The following PRRC2B variants were observed in gnomAD, a reference collection of about 807,000 sequenced individuals.
The protein encoded by PRRC2B is proline rich coiled-coil 2B.
A neutral mutation model predicts 242.3 loss-of-function variants in PRRC2B; 68 were observed. The ratio of observed to expected loss-of-function variants is 0.28; its 90% confidence interval spans 0.23 to 0.34. PRRC2B has a LOEUF of 0.34. Ranked by LOEUF, PRRC2B falls within the 10% of genes least tolerant of loss-of-function variation. The pLI, the probability that PRRC2B is intolerant of heterozygous loss-of-function variation, is 1.00. For missense variants in PRRC2B, 2,835 were observed against 2,954.8 expected (o/e 0.96, Z 0.94); for synonymous variants, 1,228 against 1,173.6 (o/e 1.05, Z -0.95).
rs192668494 is a variant in PRRC2B, at chr9:131,404,501, C to G, written c.-52+10238C>G. Among the ~76,000 whole-genome samples, 11 of 151,980 alleles carry G rather than the reference C, an allele frequency of 7.2e-5. 1 individual carries two copies. Among genetic ancestry groups the G allele is most frequent in the Admixed American group, 6.6e-4 (10 of 15,254 alleles). On this transcript the variant is annotated intron_variant, in intron 1 of 31. Transcript: ENST00000683519. ...CCTCCCAAAGTGCTGGGATTACAGG[C>G]GTGAGCCACTGCACCCGGCCCCCAG...
chr9:131,492,418 T>C (rs1232872191), intron 30 of PRRC2B, among the ~76,000 whole-genome samples, 158 bp downstream of exon 30: 1 of 152,202 alleles, frequency 6.6e-6, no homozygotes, highest in Non-Finnish European at 1.5e-5. Flanking sequence ...TGGGATGCAC[T>C]TGTGTTCCAG....
At chr9:131,483,200 G>A (rs982808475) in intron 22 of PRRC2B, among the ~76,000 whole-genome samples, 159 bp from the exon 23 acceptor site, 7 of 152,192 alleles carry the variant, frequency 4.6e-5, no homozygotes, top group African/African-American at 1.2e-4. Context: ...CTCCTGTGCC[G>A]TGGGGAAAAT....
chr9:131,454,976 C>T, intron 9 of PRRC2B, 100 bp from the exon 10 acceptor site: 5 of 854,154 alleles, frequency 5.9e-6, no homozygotes, highest in Non-Finnish European at 9.5e-6. Flanking sequence ...CCCACCTCAG[C>T]CTCGCAAAGT....
rs182514277 is a variant in PRRC2B, at chr9:131,409,452, G to T, written c.-52+15189G>T. On this transcript the variant is annotated intron_variant, in intron 1 of 31. Coordinates refer to ENST00000683519, the MANE Select transcript of PRRC2B (RefSeq NM_013318.4). Reference sequence around the variant, plus strand: ...GCCCATCTCGGCCTCCCAAAGTGCTGGGATTATAGGTGTGAGCCACTGCTC... The same window carrying T: ...GCCCATCTCGGCCTCCCAAAGTGCTTGGATTATAGGTGTGAGCCACTGCTC... Among the ~76,000 whole-genome samples, 14 of 152,374 alleles carry T rather than the reference G, an allele frequency of 9.2e-5. No homozygotes were observed. The East Asian group carries it at 2.7e-3, about 29-fold the overall frequency.
At position 131,496,127 on chromosome 9, in the gene PRRC2B, G is replaced by A. The variant is rs576437327; in HGVS notation, c.*253G>A. 210 of 483,362 alleles carry A rather than the reference G, an allele frequency of 4.3e-4. No individual in the cohort carries two copies. In the East Asian group the frequency reaches 5.3e-3, roughly 12 times the overall value. The allele number at this position is 483,362 out of a possible 1,614,324, so 29.9% of individuals were successfully genotyped here. On this transcript the variant is annotated 3_prime_UTR_variant, in exon 32 of 32. Coordinates refer to ENST00000683519, the MANE Select transcript of PRRC2B (RefSeq NM_013318.4). The stretch of plus-strand genomic sequence containing the variant: ...CTCCTTCATCCCATCTGCTCCTACC[G>A]TGACTGTGGAGTGACGCCTCCTGTG...
At chr9:131,471,402 C>T (rs1376281147) in intron 14 of PRRC2B, among the ~76,000 whole-genome samples, 1 of 151,992 alleles carries the variant, frequency 6.6e-6, no homozygotes, top group Non-Finnish European at 1.5e-5. Context: ...TTTTTCTTTT[C>T]TTATTTCCTT....
chr9:131,463,022 G>T (rs183017878), intron 11 of PRRC2B, among the ~76,000 whole-genome samples: 1 of 151,966 alleles, frequency 6.6e-6, no homozygotes, highest in African/African-American at 2.4e-5. Flanking sequence ...AGGGCTAGGC[G>T]TGAAGGCTAT....
intron 1 of PRRC2B, among the ~76,000 whole-genome samples, chr9:131,380,891 A>AAAAAAAAAAAAC (rs1836750698): frequency 6.6e-6 from 1 of 151,528 alleles, no homozygotes; most frequent in Non-Finnish European, 1.5e-5. Context: ...GTCTCCAAAA[A>AAAAAAAAAAAAC]AAAAAAAAGA....
At chr9:131,444,133 C>A in intron 5 of PRRC2B, 52 bp from the exon 6 acceptor site, 1 of 1,602,298 alleles carries the variant, frequency 6.2e-7, no homozygotes, top group South Asian at 1.1e-5. Flanking sequence ...GGGAAGCAGA[C>A]GACTGTTGAC....
Position 131,451,907 on chromosome 9 carries a change from C to A in PRRC2B, c.1121-3169C>A, listed in dbSNP as rs535478166. ...ACCAACCTTGCATTCTTAGAATAAA[C>A]CCTCCCTCTTTGTATGCCTAGACTC... On this transcript the variant is annotated intron_variant, in intron 9 of 31. Transcript: ENST00000683519. Among the ~76,000 whole-genome samples, 3 of 151,912 alleles carry A rather than the reference C, an allele frequency of 2.0e-5. No homozygotes were observed. In the East Asian group the frequency reaches 5.8e-4, roughly 29 times the overall value.
intron 10 of PRRC2B, among the ~76,000 whole-genome samples, chr9:131,456,458 C>G (rs1380845358): frequency 6.6e-6 from 1 of 151,760 alleles, no homozygotes; most frequent in Admixed American, 6.6e-5. Context: ...AGTGAAACCC[C>G]GTCTCTACTA....
At chr9:131,382,558 G>T (rs960378557) in intron 1 of PRRC2B, among the ~76,000 whole-genome samples, 4 of 151,994 alleles carry the variant, frequency 2.6e-5, no homozygotes, top group Non-Finnish European at 4.4e-5. Flanking sequence ...CCTCCCTGCT[G>T]TGAGCTTCTG....
chr9:131,494,497 G>C lies in PRRC2B; in HGVS notation c.6555+11G>C. ...CACTACGTGCAACAGGTAGAAGATGGCTTTCCAGACCCTTCAGCCCTGGAC... is the reference window on the plus strand; with the variant it reads ...CACTACGTGCAACAGGTAGAAGATGCCTTTCCAGACCCTTCAGCCCTGGAC... On this transcript the variant is annotated intron_variant, in intron 31 of 31. Coordinates refer to ENST00000683519, the MANE Select transcript of PRRC2B (RefSeq NM_013318.4). This position sits in a 1 kb window ranked among gnomAD's most constrained non-coding sequence, Gnocchi z 4.3. The C allele has an allele frequency of 6.6e-7, 1 of 1,518,182 alleles. No homozygotes were observed. The highest frequency in any genetic ancestry group is 1.4e-5 in the African/African-American group (1 of 73,164). 94.0% of individuals were successfully genotyped at this position (1,518,182 alleles called of 1,614,324 possible). A position where few individuals can be genotyped will look rare whatever the true frequency, so the allele number is the denominator to read the frequency against.
chr9:131,454,955 C>G, intron 9 of PRRC2B, 121 bp from the exon 10 acceptor site: 1 of 710,696 alleles, frequency 1.4e-6, no homozygotes, highest in South Asian at 1.5e-5. Context: ...AACTCCTGTC[C>G]TCATGATCCG....
intron 9 of PRRC2B, among the ~76,000 whole-genome samples, chr9:131,452,844 G>C (rs1564288515): frequency 6.6e-6 from 1 of 152,172 alleles, no homozygotes; most frequent in African/African-American, 2.4e-5. Flanking sequence ...TTTATGACTA[G>C]GATATGATCT....
At chr9:131,390,552 A>G (rs61209488), upstream of PRRC2B, among the ~76,000 whole-genome samples, 2 of 115,662 alleles carry the variant, frequency 1.7e-5, no homozygotes, top group East Asian at 2.7e-4. Flanking sequence ...GTGTGATCTC[A>G]GCTCAGTGCA....
In PRRC2B at chr9:131,483,383, G is replaced by A. The variant is rs760561266; in HGVS notation, c.5398G>A (p.Gly1800Ser). 21 of 1,613,920 alleles carry A rather than the reference G, an allele frequency of 1.3e-5. No homozygotes were observed. Among genetic ancestry groups the A allele is most frequent in the Non-Finnish European group, 1.8e-5 (21 of 1,179,878 alleles). ...GGACTCCGATTTCAGCTTGCCACCT[G>A]GTTCTGCCTCTGGTCCTACTGGGAG... ...PKDSDFSLPP[G>S]SASGPTGSPV... is the part of the protein sequence containing the mutation. The change falls in exon 23 of 32, where the codon GGT becomes AGT. Residue 1800 changes from glycine to serine, a missense_variant. Physicochemically the swap from Gly to Ser is moderately conservative, Grantham distance 56. Coordinates refer to ENST00000683519, the MANE Select transcript of PRRC2B (RefSeq NM_013318.4).
At chr9:131,418,999 G>T (rs1837729936) in intron 1 of PRRC2B, among the ~76,000 whole-genome samples, 1 of 152,050 alleles carries the variant, frequency 6.6e-6, no homozygotes, top group Non-Finnish European at 1.5e-5. Context: ...ATACTTTTCT[G>T]TAATTTTTTT....
chr9:131,399,795 G>A (rs1268901360), intron 1 of PRRC2B, among the ~76,000 whole-genome samples: 2 of 151,992 alleles, frequency 1.3e-5, no homozygotes, highest in East Asian at 1.9e-4. Context: ...ATTCCTCTAC[G>A]TTATTTTTAT....
Sources: allele counts gnomAD v4.1 joint callset (sites outside exome capture counted in the v4.1 genomes callset), GRCh38; gene constraint gnomAD v4.1.1; non-coding constraint Gnocchi (gnomAD v3.1); transcripts MANE v1.5; gene names NCBI Gene and HGNC (gene_info 2026-07-23, HGNC 2026-07-21).